Variants in DOP1A observed in about 807,000 individuals in gnomAD.
The protein encoded by DOP1A is DOP1 leucine zipper like protein A.
A neutral mutation model predicts 267.6 loss-of-function variants in DOP1A; 90 were observed. The ratio of observed to expected loss-of-function variants is 0.34; its 90% confidence interval spans 0.28 to 0.40. DOP1A has a LOEUF of 0.40. Among genes scored for constraint, DOP1A ranks in the 10% least tolerant of loss-of-function variants. DOP1A has a pLI of 1.00. For missense variants in DOP1A, 2,437 were observed against 2,900.4 expected (o/e 0.84, Z 3.67); for synonymous variants, 932 against 999.1 (o/e 0.93, Z 1.27).
intron 1 of DOP1A, among the ~76,000 whole-genome samples, chr6:83,081,016 A>G (rs1234095276): frequency 6.6e-6 from 1 of 152,252 alleles, no homozygotes; most frequent in African/African-American, 2.4e-5. Flanking sequence ...CTACAAAGCT[A>G]TTGTAACCAA....
rs1049894361 is a variant in DOP1A at position 83,096,970 on chromosome 6, G to A, written c.-8G>A. ...TGGAACTGGTCTCTAGTGGGAAGTT[G>A]TGGGAGGATGAACACAGAAGAGCTG... is the stretch of plus-strand genomic sequence containing the variant. On this transcript the variant is annotated 5_prime_UTR_variant, in exon 3 of 39. The change creates a new upstream start codon in the 5' untranslated region. Coordinates refer to ENST00000349129, the MANE Select transcript of DOP1A (RefSeq NM_015018.4). 2.5e-6 allele frequency: 4 copies of A among 1,613,530 alleles called. No homozygotes were observed. In the Admixed American group the frequency reaches 6.7e-5, roughly 27 times the overall value.
Position 83,151,674 on chromosome 6 carries a change from G to A in DOP1A, c.5904+15G>A, listed in dbSNP as rs1207121232. 2 of 1,590,440 alleles carry A rather than the reference G, an allele frequency of 1.3e-6. No homozygotes were observed. Among genetic ancestry groups the A allele is most frequent in the South Asian group, 1.2e-5 (1 of 85,738 alleles). ...GAGACCTTCAGGTAAGGCAGTCTAAGAGCTGTTGCCAAAACTGTTTCTCAG... is the reference window on the plus strand; with the variant it reads ...GAGACCTTCAGGTAAGGCAGTCTAAAAGCTGTTGCCAAAACTGTTTCTCAG... On this transcript the variant is annotated intron_variant, in intron 28 of 38. Coordinates refer to ENST00000349129, the MANE Select transcript of DOP1A (RefSeq NM_015018.4).
intron 35 of DOP1A, among the ~76,000 whole-genome samples, chr6:83,158,249 C>T (rs953405212): frequency 6.6e-6 from 1 of 152,138 alleles, no homozygotes; most frequent in Non-Finnish European, 1.5e-5. Flanking sequence ...GATCTGCCCA[C>T]CTCGACCTCC....
At chr6:83,089,458 A>G (rs1769931312) in intron 1 of DOP1A, among the ~76,000 whole-genome samples, 1 of 152,178 alleles carries the variant, frequency 6.6e-6, no homozygotes, top group African/African-American at 2.4e-5. Flanking sequence ...TATATGTTAT[A>G]TTTGTGAGAC....
At chr6:83,164,659 G>A in intron 38 of DOP1A, 1 of 1,572,682 alleles carries the variant, frequency 6.4e-7, no homozygotes, top group Non-Finnish European at 8.6e-7. Context: ...TCCTTCCACA[G>A]GACAAGGAGG....
chr6:83,092,991 C>T (rs1305012322), intron 1 of DOP1A, among the ~76,000 whole-genome samples: 2 of 152,164 alleles, frequency 1.3e-5, no homozygotes, highest in African/African-American at 4.8e-5. Flanking sequence ...TGAAACCCCA[C>T]AGACAGTGAA....
chr6:83,118,345 A>G (rs1482151862), intron 7 of DOP1A, among the ~76,000 whole-genome samples: 1 of 152,184 alleles, frequency 6.6e-6, no homozygotes, highest in Non-Finnish European at 1.5e-5. Flanking sequence ...TATTTCTCTT[A>G]AAAAGAAATG....
chr6:83,075,378 G>A (rs978825672), intron 1 of DOP1A, among the ~76,000 whole-genome samples: 3 of 152,118 alleles, frequency 2.0e-5, no homozygotes, highest in Non-Finnish European at 4.4e-5. Context: ...AGCAAGGTAA[G>A]TTCTATGATA....
intron 13 of DOP1A, 23 bp from the exon 14 acceptor site, chr6:83,125,143 T>A (rs1329622734): frequency 6.3e-7 from 1 of 1,577,714 alleles, no homozygotes; most frequent in Non-Finnish European, 8.6e-7. Context: ...CTCTCCTCAC[T>A]TCTTTGCTTT....
rs1779444680 is a variant in DOP1A, at chr6:83,140,549, G to T, written c.5415+146G>T. On this transcript the variant is annotated intron_variant, in intron 23 of 38. Coordinates refer to ENST00000349129, the MANE Select transcript of DOP1A (RefSeq NM_015018.4). ...TTTTTAACAGTTTTCCTGGGCTATG[G>T]CTGACGTATCATAGAATTTGCCCAT... The T allele has an allele frequency of 1.6e-5, 11 of 676,896 alleles. No homozygotes were observed. In the South Asian group the frequency reaches 2.8e-4, roughly 17 times the overall value. The allele number at this position is 676,896 out of a possible 1,614,324, so 41.9% of individuals were successfully genotyped here.
intron 4 of DOP1A, among the ~76,000 whole-genome samples, chr6:83,103,164 G>A (rs567250821): frequency 6.6e-6 from 1 of 152,284 alleles, no homozygotes; most frequent in South Asian, 2.1e-4. Context: ...GGATAAAAAG[G>A]AATGAAATAA....
chr6:83,159,472 G>A (rs1158589578), intron 36 of DOP1A, among the ~76,000 whole-genome samples: 1 of 148,484 alleles, frequency 6.7e-6, no homozygotes, highest in African/African-American at 2.5e-5. Context: ...TGTATTTTTT[G>A]TAGAGACAGG....
At chr6:83,134,320 C>G in intron 19 of DOP1A, 33 bp downstream of exon 19, 1 of 1,568,220 alleles carries the variant, frequency 6.4e-7, no homozygotes, top group Non-Finnish European at 8.7e-7. Flanking sequence ...ATTTCACAGT[C>G]ATATATCTTA....
At chr6:83,131,488 C>G (rs1256937161) in intron 17 of DOP1A, among the ~76,000 whole-genome samples, 1 of 152,038 alleles carries the variant, frequency 6.6e-6, no homozygotes, top group Non-Finnish European at 1.5e-5. Flanking sequence ...TTGGATATTT[C>G]AACTATGAAT....
At chr6:83,089,111 T>C (rs1769855806) in intron 1 of DOP1A, among the ~76,000 whole-genome samples, 1 of 152,208 alleles carries the variant, frequency 6.6e-6, no homozygotes, top group African/African-American at 2.4e-5. Context: ...AATGAATCTT[T>C]TCTCTTTTCA....
intron 6 of DOP1A, among the ~76,000 whole-genome samples, chr6:83,110,650 A>G (rs1234727178): frequency 6.6e-6 from 1 of 152,186 alleles, no homozygotes; most frequent in Non-Finnish European, 1.5e-5. Flanking sequence ...TTTATTGCTT[A>G]CTTATACAAT....
chr6:83,067,694 C>G lies in DOP1A; in HGVS notation c.-232C>G, dbSNP rs62419226. 4 of 151,988 alleles carry G rather than the reference C, an allele frequency of 2.6e-5. No individual in the cohort carries two copies. The highest frequency in any genetic ancestry group is 9.7e-5 in the African/African-American group (4 of 41,442). 9.4% of individuals were successfully genotyped at this position (151,988 alleles called of 1,614,324 possible). A position where few individuals can be genotyped will look rare whatever the true frequency, so the allele number is the denominator to read the frequency against. Reference sequence around the variant, plus strand: ...GCACGGTGCACTCTGGGAGCTGTCACTAGGCCCTTCGGCTCCCGGTCTCGG... The same window carrying G: ...GCACGGTGCACTCTGGGAGCTGTCAGTAGGCCCTTCGGCTCCCGGTCTCGG... On this transcript the variant is annotated 5_prime_UTR_variant, in exon 1 of 39. Coordinates refer to ENST00000349129, the MANE Select transcript of DOP1A (RefSeq NM_015018.4).
Position 83,109,037 on chromosome 6 carries a change from G to T in DOP1A, c.448G>T (p.Gly150Cys). The change falls in exon 5 of 39, where the codon GGT becomes TGT. Residue 150 changes from glycine (G) to cysteine (C), a missense_variant. Gly to Cys is a radical substitution (Grantham distance 159). Around this residue, in one of 9 missense-constraint regions of DOP1A, gnomAD observed 251 missense variants for 359.1 expected, o/e 0.70. Transcript: ENST00000349129. ...LKPGLQGLLT[G>C]ILPGLEEGSE... Reference sequence around the variant, plus strand: ...ACCTGGTCTACAGGGATTGCTTACTGGTATTCTTCCTGGCTTAGAAGAAGG... The same window carrying T: ...ACCTGGTCTACAGGGATTGCTTACTTGTATTCTTCCTGGCTTAGAAGAAGG... 1 of 1,613,504 alleles carries T rather than the reference G, an allele frequency of 6.2e-7. No individual in the cohort carries two copies. Among genetic ancestry groups the T allele is most frequent in the Admixed American group, 1.7e-5 (1 of 59,996 alleles).
chr6:83,158,750 G>T, intron 36 of DOP1A, 128 bp downstream of exon 36: 1 of 695,120 alleles, frequency 1.4e-6, no homozygotes, highest in Non-Finnish European at 2.4e-6. Context: ...AATTGATTAC[G>T]TTTGGATATA....
Sources: gnomAD v4.1 joint callset for allele counts (sites outside exome capture counted in the v4.1 genomes callset) on GRCh38, gnomAD v4.1.1 for gene constraint, gnomAD v4.1.1 regional missense constraint, MANE v1.5 for transcripts, NCBI Gene and HGNC (gene_info 2026-07-23, HGNC 2026-07-21) for gene names.